Variants in ITSN1 observed in about 807,000 individuals in gnomAD.
ITSN1 encodes the protein intersectin-1.
In ITSN1, 58 loss-of-function variants were observed where a neutral mutation model predicts 239.8. That is an observed-to-expected ratio of 0.24 (90% CI 0.20 to 0.30). The LOEUF (loss-of-function observed/expected upper bound fraction) is 0.30. Among genes scored for constraint, ITSN1 ranks in the 10% least tolerant of loss-of-function variants. The pLI is 1.00. For missense variants in ITSN1, 1,558 were observed against 2,103.3 expected (o/e 0.74, Z 5.07); for synonymous variants, 780 against 770.8 (o/e 1.01, Z -0.20).
intron 1 of ITSN1, among the ~76,000 whole-genome samples, chr21:33,661,044 T>A (rs1297387139): frequency 6.6e-6 from 1 of 152,228 alleles, no homozygotes; most frequent in Non-Finnish European, 1.5e-5. Flanking sequence ...GTCTAGCTCA[T>A]AATGGCAGAT....
At chr21:33,735,299 A>G (rs1249856387) in intron 5 of ITSN1, 95 bp downstream of exon 5, 7 of 1,291,526 alleles carry the variant, frequency 5.4e-6, no homozygotes, top group Admixed American at 1.8e-5. Flanking sequence ...ACATTATGAA[A>G]TTCTAGGAGG....
intron 1 of ITSN1, among the ~76,000 whole-genome samples, chr21:33,708,376 T>C (rs910488218): frequency 8.5e-5 from 13 of 152,086 alleles, no homozygotes; most frequent in African/African-American, 2.9e-4. Context: ...GAAGCCCAGT[T>C]TACTAATTTT....
rs1473952903 is a variant in ITSN1, at chr21:33,886,397, C to T, written c.4954C>T (p.Arg1652Ter). ...GAATTCCAACTGCCAGTTCTTCATC[C>T]GAGACCTGGAGCAGGAAGTCCTCTG... ...KWNSNCQFFI[R>*]DLEQEVLCIT... Residue 1652 changes from arginine to a stop codon, truncating the protein, a stop_gained, in exon 39 of 40, where the codon CGA (arginine) becomes TGA (stop). Transcript: ENST00000381318. LOFTEE classifies it high-confidence loss of function. The T allele has an allele frequency of 1.9e-6, 3 of 1,613,334 alleles. No individual in the cohort carries two copies. Among genetic ancestry groups the T allele is most frequent in the Non-Finnish European group, 1.7e-6 (2 of 1,179,682 alleles).
intron 14 of ITSN1, among the ~76,000 whole-genome samples, chr21:33,778,673 G>T (rs1313794455): frequency 2.3e-5 from 3 of 128,266 alleles, no homozygotes; most frequent in African/African-American, 3.7e-5. Flanking sequence ...CCGCCTCCCG[G>T]GTTCACGCCA....
intron 1 of ITSN1, among the ~76,000 whole-genome samples, chr21:33,673,255 G>T (rs1334305249): frequency 1.3e-5 from 2 of 152,304 alleles, no homozygotes; most frequent in African/African-American, 2.4e-5. Flanking sequence ...ATCGGGGGAA[G>T]GGGAAGTGGG....
chr21:33,854,335 T>G (rs1978905700), intron 29 of ITSN1, among the ~76,000 whole-genome samples: 1 of 152,176 alleles, frequency 6.6e-6, no homozygotes, highest in Non-Finnish European at 1.5e-5. Flanking sequence ...TGTGTCAATA[T>G]TCTAATCTCC....
chr21:33,795,303 G>T (rs1192548037), intron 17 of ITSN1, among the ~76,000 whole-genome samples: 1 of 152,112 alleles, frequency 6.6e-6, no homozygotes, highest in Admixed American at 6.5e-5. Context: ...CAAAAAATTA[G>T]CTGGGCACGG....
chr21:33,789,956 A>G (rs955360330), intron 16 of ITSN1, among the ~76,000 whole-genome samples: 1 of 152,352 alleles, frequency 6.6e-6, no homozygotes, highest in East Asian at 1.9e-4. Context: ...TTTAGGGGAA[A>G]TAAGTGACTT....
chr21:33,881,550 C>T (rs946016245), intron 34 of ITSN1, among the ~76,000 whole-genome samples: 4 of 152,056 alleles, frequency 2.6e-5, no homozygotes, highest in Non-Finnish European at 5.9e-5. Context: ...TCCAGAAGCT[C>T]AAAGGACTGT....
intron 5 of ITSN1, among the ~76,000 whole-genome samples, chr21:33,739,946 T>C (rs1287856701): frequency 1.3e-5 from 2 of 152,266 alleles, no homozygotes; most frequent in Middle Eastern, 3.4e-3. Flanking sequence ...CAAGAGGCAA[T>C]GGTGATTTAT....
intron 18 of ITSN1, among the ~76,000 whole-genome samples, chr21:33,799,162 A>G (rs574556263): frequency 3.9e-4 from 59 of 152,222 alleles, no homozygotes; most frequent in Admixed American, 7.8e-4. Flanking sequence ...TCCTCCGCTC[A>G]TGTGCATTTT....
rs576114692 is a variant in ITSN1, at chr21:33,790,611, A to G, written c.1825-3730A>G. 2.6e-5 allele frequency among the ~76,000 whole-genome samples: 4 copies of G among 152,322 alleles called. No individual in the cohort carries two copies. In the East Asian group the frequency reaches 7.7e-4, roughly 29 times the overall value. Reference sequence around the variant, plus strand: ...TTAGAAAAAAAAATCACTTAACTTTAGGAAGAACCGAGTGAGATACTGACT... The same window carrying G: ...TTAGAAAAAAAAATCACTTAACTTTGGGAAGAACCGAGTGAGATACTGACT... On this transcript the variant is annotated intron_variant, in intron 16 of 39. Transcript: ENST00000381318.
At chr21:33,697,087 T>C (rs905713022) in intron 1 of ITSN1, among the ~76,000 whole-genome samples, 13 of 139,314 alleles carry the variant, frequency 9.3e-5, no homozygotes, top group Non-Finnish European at 1.8e-4. Flanking sequence ...AGATTGTCTC[T>C]TTTTTTTTTT....
At chr21:33,875,661 C>G in intron 34 of ITSN1, 140 bp downstream of exon 34, 1 of 718,572 alleles carries the variant, frequency 1.4e-6, no homozygotes, top group East Asian at 2.7e-5. Context: ...TTCTCATCTG[C>G]TGTTTCATCC....
chr21:33,829,332 TGGGCAAGGAGC>T (rs2074156635), intron 26 of ITSN1: 1 of 376,748 alleles, frequency 2.7e-6, no homozygotes, highest in East Asian at 5.8e-5. Flanking sequence ...GTGCCAGGAG[TGGGCAAGGAGC>T]GGACTTCGTG....
chr21:33,837,114 A>G, intron 29 of ITSN1: 1 of 1,523,412 alleles, frequency 6.6e-7, no homozygotes, highest in Non-Finnish European at 8.8e-7. Flanking sequence ...ATGATCACCT[A>G]CTGCCTTCTG....
At chr21:33,878,260 T>C (rs909917290) in intron 34 of ITSN1, among the ~76,000 whole-genome samples, 41 of 152,154 alleles carry the variant, frequency 2.7e-4, no homozygotes, top group Non-Finnish European at 5.1e-4. Context: ...CTCAAACTCC[T>C]GAGCTCAAGC....
At chr21:33,827,401 A>AAAAATAAAAT (rs576676036) in intron 26 of ITSN1, among the ~76,000 whole-genome samples, 1 of 152,098 alleles carries the variant, frequency 6.6e-6, no homozygotes, top group African/African-American at 2.4e-5. Flanking sequence ...CTCTATCTCA[A>AAAAATAAAAT]AAAATAAAAT....
chr21:33,791,738 C>G (rs2071149692), intron 16 of ITSN1, among the ~76,000 whole-genome samples: 1 of 144,088 alleles, frequency 6.9e-6, no homozygotes, highest in Non-Finnish European at 1.5e-5. Context: ...TGCCTATGGG[C>G]TATCTATTAT....
Sources: gnomAD v4.1 joint callset for allele counts (sites outside exome capture counted in the v4.1 genomes callset) on GRCh38, gnomAD v4.1.1 for gene constraint, MANE v1.5 for transcripts, NCBI Gene and HGNC (gene_info 2026-07-23, HGNC 2026-07-21) for gene names.